The following PIWIL1 variants were observed in gnomAD, a reference collection of about 807,000 sequenced individuals.
PIWIL1 encodes piwi like RNA-mediated gene silencing 1, also known as piwi-like protein 1.
PIWIL1 carries 73 observed loss-of-function variants against 114.4 expected under a neutral mutation model. That is an observed-to-expected ratio of 0.64 (90% CI 0.53 to 0.78). The LOEUF is 0.78. Ranked by LOEUF, PIWIL1 falls within the 30% of genes least tolerant of loss-of-function variation. The pLI is 0.00. For synonymous variants in PIWIL1, 375 were observed against 369.0 expected, an observed-to-expected ratio of 1.02 and a Z score of -0.19; for missense variants, 723 against 1,063.1, an observed-to-expected ratio of 0.68 and a Z score of 4.45.
chr12:130,414,086 A>G, the PIWIL1 span: 5 of 1,606,128 alleles, frequency 3.1e-6, no homozygotes, highest in South Asian at 4.4e-5. Context: ...GACCCGCCTC[A>G]GGGGCTGATG....
At chr12:130,399,078 T>G in the PIWIL1 span, 1 of 1,210,402 alleles carries the variant, frequency 8.3e-7, no homozygotes, top group Non-Finnish European at 1.1e-6. Context: ...GTAGCTTAAG[T>G]TGGTATCTTT....
chr12:130,371,263 G>T lies in PIWIL1; in HGVS notation c.2409G>T (p.Leu803=). Residue 803 remains leucine (L), a synonymous_variant, in exon 20 of 21, where the codon CTG becomes CTT. Coordinates refer to ENST00000245255, the MANE Select transcript of PIWIL1 (RefSeq NM_004764.5). The part of the protein sequence containing the change: ...HYNVIYDNSG[L]KPDHIQRLTY... ...ATGTCATCTATGACAACAGCGGCCT[G>T]AAGCCAGACCACATACAGCGCTTGA... 1 of 1,614,228 alleles carries T rather than the reference G, an allele frequency of 6.2e-7. No individual in the cohort carries two copies. The highest frequency in any genetic ancestry group is 1.3e-5 in the African/African-American group (1 of 75,066).
chr12:130,381,638 T>G, the PIWIL1 span, among the ~76,000 whole-genome samples: 2 of 152,232 alleles, frequency 1.3e-5, no homozygotes, highest in Admixed American at 1.3e-4. Context: ...CTGTGCGGGT[T>G]CTTGTATGGA....
In PIWIL1 at chr12:130,349,929, G is replaced by T; in HGVS notation, c.1006G>T (p.Asp336Tyr). Reference sequence around the variant, plus strand: ...TCCCAAGAGCACCTTTAAGAAAGCCGACGGCTCTGAAGTCAGCTTCTTAGA... The same window carrying T: ...TCCCAAGAGCACCTTTAAGAAAGCCTACGGCTCTGAAGTCAGCTTCTTAGA... Reference protein sequence around the residue: ...QNPKSTFKKADGSEVSFLEYY... With the variant: ...QNPKSTFKKAYGSEVSFLEYY... Residue 336 changes from aspartate (D) to tyrosine (Y), a missense_variant, in exon 9 of 21, where the codon GAC becomes TAC. By Grantham distance (160) the Asp-to-Tyr change is radical. Coordinates refer to ENST00000245255, the MANE Select transcript of PIWIL1 (RefSeq NM_004764.5). The T allele has an allele frequency of 1.2e-6, 2 of 1,613,068 alleles. No individual in the cohort carries two copies. The highest frequency in any genetic ancestry group is 1.7e-6 in the Non-Finnish European group (2 of 1,179,258).
the PIWIL1 span, among the ~76,000 whole-genome samples, chr12:130,389,602 G>A: frequency 2.6e-5 from 4 of 151,510 alleles, no homozygotes; most frequent in East Asian, 1.9e-4. Context: ...TTATAAAATC[G>A]GCTGTATGAT....
Position 130,361,152 on chromosome 12 carries a change from C to G in PIWIL1, c.1666-28C>G, listed in dbSNP as rs372038590. 8 of 1,609,338 alleles carry G rather than the reference C, an allele frequency of 5.0e-6. No homozygotes were observed. In the African/African-American group the frequency reaches 1.1e-4, roughly 22 times the overall value. Reference sequence around the variant, plus strand: ...GCTCTTAATCATCTGTCTCCTAATTCTTTGTAACAAGGGCACTTTGTTTTC... The same window carrying G: ...GCTCTTAATCATCTGTCTCCTAATTGTTTGTAACAAGGGCACTTTGTTTTC... On this transcript the variant is annotated intron_variant, in intron 14 of 20. Transcript: ENST00000245255.
At chr12:130,392,983 C>T in the PIWIL1 span, among the ~76,000 whole-genome samples, 1 of 95,998 alleles carries the variant, frequency 1.0e-5, no homozygotes, top group African/African-American at 3.7e-5. Context: ...CACGTGTGTG[C>T]GTCAGTTACC....
At chr12:130,345,469 C>T (rs1402085627) in intron 3 of PIWIL1, 2 of 300,086 alleles carry the variant, frequency 6.7e-6, no homozygotes, top group Non-Finnish European at 1.2e-5. Flanking sequence ...TCTTGCACCA[C>T]AGTCCAGTTG....
downstream of PIWIL1, among the ~76,000 whole-genome samples, chr12:130,374,099 T>A (rs139552470): frequency 2.4e-3 from 361 of 152,244 alleles, 5 homozygotes; most frequent in South Asian, 0.016. Flanking sequence ...TGTCCACTCT[T>A]TTCTGGGTAC....
chr12:130,407,094 A>G, the PIWIL1 span, among the ~76,000 whole-genome samples: 1 of 152,252 alleles, frequency 6.6e-6, no homozygotes, highest in Non-Finnish European at 1.5e-5. Flanking sequence ...AATCTAGACA[A>G]TATTCACAAC....
chr12:130,406,339 A>G, the PIWIL1 span: 1 of 762,236 alleles, frequency 1.3e-6, no homozygotes, highest in Non-Finnish European at 2.2e-6. Flanking sequence ...ACTATTTGAG[A>G]ATTTCTGGTA....
At position 130,350,258 on chromosome 12, in the gene PIWIL1, C is replaced by T. The variant is rs974118466; in HGVS notation, c.1044+291C>T. 3.3e-5 allele frequency among the ~76,000 whole-genome samples: 5 copies of T among 152,248 alleles called. No individual in the cohort carries two copies. The East Asian group carries it at 5.8e-4, about 18-fold the overall frequency. On this transcript the variant is annotated intron_variant, in intron 9 of 20. Coordinates refer to ENST00000245255, the MANE Select transcript of PIWIL1 (RefSeq NM_004764.5). ...GACAAGTAGGTTGGATAACAGGTGG[C>T]GAGCAGTGGGAGTTAAGAGCTTGCC...
chr12:130,421,053 G>C, the PIWIL1 span: 1 of 152,354 alleles, frequency 6.6e-6, no homozygotes, highest in African/African-American at 2.4e-5. Context: ...GAGAATGAGA[G>C]CCTTGAACAG....
At chr12:130,408,610 A>T in the PIWIL1 span, among the ~76,000 whole-genome samples, 1 of 151,862 alleles carries the variant, frequency 6.6e-6, no homozygotes, top group African/African-American at 2.4e-5. Context: ...ACAGGTGAAC[A>T]CTCTCAGGAC....
chr12:130,342,176 G>GTC lies in PIWIL1; in HGVS notation c.-12-403_-12-402insCT, dbSNP rs1565938897. The GTC allele has an allele frequency of 4.4e-3, 815 of 183,208 alleles. 8 individuals are homozygous for GTC. The highest frequency in any genetic ancestry group is 0.029 in the Middle Eastern group (11 of 376). 11.3% of individuals were successfully genotyped at this position (183,208 alleles called of 1,614,324 possible). On this transcript the variant is annotated intron_variant, in intron 1 of 20. Transcript: ENST00000245255. ...TTTCCGTGTGTGTGTGTGTGTGTGT[G>GTC]TGTGTGTGTGTGTGTCTGTGTATGG...
chr12:130,352,510 C>T (rs2073239249), intron 9 of PIWIL1, among the ~76,000 whole-genome samples: 1 of 152,086 alleles, frequency 6.6e-6, no homozygotes, highest in African/African-American at 2.4e-5. Context: ...GAAACCTCGT[C>T]TCTACTAAAA....
At chr12:130,391,486 C>A in the PIWIL1 span, among the ~76,000 whole-genome samples, 3 of 152,198 alleles carry the variant, frequency 2.0e-5, no homozygotes, top group African/African-American at 7.2e-5. Flanking sequence ...TTTCCTCCCC[C>A]GTCCCTTTTC....
At chr12:130,381,151 G>A in the PIWIL1 span, among the ~76,000 whole-genome samples, 2 of 152,140 alleles carry the variant, frequency 1.3e-5, no homozygotes, top group Admixed American at 6.5e-5. Context: ...GTTCACTCCT[G>A]TATCTACCGT....
rs778591949 is a variant in PIWIL1, at chr12:130,357,080, G to T, written c.1567G>T (p.Gly523Cys). The T allele has an allele frequency of 6.2e-7, 1 of 1,610,378 alleles. No homozygotes were observed. The highest frequency in any genetic ancestry group is 8.5e-7 in the Non-Finnish European group (1 of 1,177,810). ...QNLFKVTPAM[G>C]MQMRKAIMIE... ...TCTATTTAAAGTTACACCAGCCATG[G>T]GCATGCAAATGAGAAAAGCAATAAT... Residue 523 changes from glycine to cysteine, a missense_variant, in exon 13 of 21, where the codon GGC becomes TGC. Transcript: ENST00000245255.
Sources: allele counts gnomAD v4.1 joint callset (sites outside exome capture counted in the v4.1 genomes callset), GRCh38; gene constraint gnomAD v4.1.1; transcripts MANE v1.5; gene names NCBI Gene and HGNC (gene_info 2026-07-23, HGNC 2026-07-21).